Variants in TRHDE observed in about 807,000 individuals in gnomAD.
TRHDE encodes the protein thyrotropin-releasing hormone-degrading ectoenzyme.
In TRHDE, 72 loss-of-function variants were observed where a neutral mutation model predicts 125.7. That is an observed-to-expected ratio of 0.57 (90% CI 0.47 to 0.70). The LOEUF (loss-of-function observed/expected upper bound fraction) is 0.70. Ranked by LOEUF, TRHDE falls within the 30% of genes least tolerant of loss-of-function variation. TRHDE has a pLI of 0.00. For synonymous variants in TRHDE, 509 were observed against 509.1 expected, an observed-to-expected ratio of 1.00 and a Z score of 0.00; for missense variants, 1,110 against 1,327.1, an observed-to-expected ratio of 0.84 and a Z score of 2.54.
At position 72,281,397 on chromosome 12, in the gene TRHDE, A is replaced by G. The variant is rs560400185; in HGVS notation, c.915-5284A>G. On this transcript the variant is annotated intron_variant, in intron 1 of 18. Transcript: ENST00000261180. ...AAATGGGACACGTGTAACTTCCATG[A>G]CCTTGTAACAGTCCGCTTACTGCAA... 4.4e-4 allele frequency among the ~76,000 whole-genome samples: 67 copies of G among 152,320 alleles called. 1 individual carries two copies. The highest frequency in any genetic ancestry group is 1.6e-3 in the African/African-American group (66 of 41,586).
At chr12:72,186,989 C>T (rs1877229966) in intron 2 of TRHDE, among the ~76,000 whole-genome samples, 2 of 151,918 alleles carry the variant, frequency 1.3e-5, no homozygotes, top group Admixed American at 1.3e-4. Flanking sequence ...GGCATATGAC[C>T]AGGTGTTCAG....
At chr12:72,481,800 C>G (rs897310197) in intron 5 of TRHDE, among the ~76,000 whole-genome samples, 1 of 151,934 alleles carries the variant, frequency 6.6e-6, no homozygotes, top group African/African-American at 2.4e-5. Flanking sequence ...TTAAATTCCA[C>G]TGATTACAGT....
At chr12:72,211,777 T>C (rs1289289161) in intron 2 of TRHDE, among the ~76,000 whole-genome samples, 2 of 152,150 alleles carry the variant, frequency 1.3e-5, no homozygotes, top group South Asian at 2.1e-4. Context: ...CAAAAAAGAC[T>C]AATACAATAA....
Position 72,150,847 on chromosome 12 carries a change from C to T in TRHDE, n.279+45095C>T, listed in dbSNP as rs566147058. Among the ~76,000 whole-genome samples the T allele has an allele frequency of 4.9e-3, 739 of 151,972 alleles. 4 individuals carry two copies. Among genetic ancestry groups the T allele is most frequent in the Non-Finnish European group, 8.9e-3 (602 of 67,978 alleles). On this transcript the variant is annotated intron_variant and non_coding_transcript_variant, in intron 2 of 4. Transcript: ENST00000548156. ...AAGTCTTTGCTATTGTGAATAGTGC[C>T]GCAATAAACATACACGTGCATGTGT...
intron 7 of TRHDE, among the ~76,000 whole-genome samples, chr12:72,548,624 T>C (rs1480056175): frequency 6.6e-6 from 1 of 151,784 alleles, no homozygotes; most frequent in Non-Finnish European, 1.5e-5. Context: ...CTTGGATTTT[T>C]CTTATTTTGT....
rs573867331 is a variant in TRHDE at position 72,575,859 on chromosome 12, T to C, written c.2321+317T>C. ...CCATTGGGCCATATTTAAGTTCTGA[T>C]AGAAATTACCTTGAAGCATTGGCAA... On this transcript the variant is annotated intron_variant, in intron 12 of 18. Coordinates refer to ENST00000261180, the MANE Select transcript of TRHDE (RefSeq NM_013381.3). Among the ~76,000 whole-genome samples, 15 of 152,270 alleles carry C rather than the reference T, an allele frequency of 9.9e-5. 1 individual carries two copies. The highest frequency in any genetic ancestry group is 9.8e-4 in the Admixed American group (15 of 15,282).
chr12:72,654,613 T>G (rs1874635176), intron 17 of TRHDE, among the ~76,000 whole-genome samples: 1 of 152,048 alleles, frequency 6.6e-6, no homozygotes, highest in South Asian at 2.1e-4. Context: ...AATGGGTGAT[T>G]TTTCTTTTAT....
intron 2 of TRHDE, among the ~76,000 whole-genome samples, chr12:72,338,227 A>G (rs1239814781): frequency 6.6e-6 from 1 of 152,200 alleles, no homozygotes; most frequent in East Asian, 1.9e-4. Flanking sequence ...CTATTCTACC[A>G]TCCTGCCTTA....
intron 6 of TRHDE, among the ~76,000 whole-genome samples, chr12:72,512,437 A>G (rs1878623294): frequency 9.5e-6 from 1 of 105,596 alleles, no homozygotes; most frequent in African/African-American, 5.3e-5. Flanking sequence ...ATTATATAAT[A>G]TGTTATAATT....
intron 5 of TRHDE, among the ~76,000 whole-genome samples, chr12:72,483,217 C>A (rs913919364): frequency 4.0e-5 from 6 of 151,680 alleles, no homozygotes; most frequent in African/African-American, 1.5e-4. Context: ...GTCTCACAGA[C>A]CTATTTTACC....
At chr12:72,238,341 A>ATACACAT (rs1878402136) in intron 2 of TRHDE, among the ~76,000 whole-genome samples, 1 of 43,248 alleles carries the variant, frequency 2.3e-5, no homozygotes, top group African/African-American at 8.5e-5. Flanking sequence ...TATACACATT[A>ATACACAT]TATATATATA....
chr12:72,623,300 G>A (rs1432014528), intron 15 of TRHDE, among the ~76,000 whole-genome samples: 1 of 151,812 alleles, frequency 6.6e-6, no homozygotes, highest in Non-Finnish European at 1.5e-5. Context: ...CTATCAACAT[G>A]TGCCCTTTTT....
At chr12:72,418,653 A>G (rs11179197) in intron 3 of TRHDE, among the ~76,000 whole-genome samples, 3,455 of 152,194 alleles carry the variant, frequency 0.023, 127 homozygotes, top group African/African-American at 0.079. Context: ...CAGAGTGACA[A>G]TAGAACAGCT....
At chr12:72,252,269 A>C (rs1450971016) in intron 2 of TRHDE, among the ~76,000 whole-genome samples, 1 of 152,088 alleles carries the variant, frequency 6.6e-6, no homozygotes, top group Non-Finnish European at 1.5e-5. Context: ...TTTTACATTT[A>C]AGTCTATTAT....
chr12:72,532,489 T>G (rs888372695), intron 6 of TRHDE, among the ~76,000 whole-genome samples: 3 of 151,198 alleles, frequency 2.0e-5, no homozygotes, highest in Non-Finnish European at 4.4e-5. Context: ...ATTTTCAACT[T>G]TAAGAAGAAT....
chr12:72,521,244 A>T (rs976975178), intron 6 of TRHDE, among the ~76,000 whole-genome samples: 4 of 152,232 alleles, frequency 2.6e-5, no homozygotes, highest in Admixed American at 2.6e-4. Context: ...TCATGATTTC[A>T]TAATTCCCAA....
chr12:72,556,353 A>T (rs1422232717), intron 7 of TRHDE, among the ~76,000 whole-genome samples: 1 of 152,218 alleles, frequency 6.6e-6, no homozygotes, highest in Non-Finnish European at 1.5e-5. Context: ...CCATTGAATC[A>T]TTGGGAAGGA....
intron 5 of TRHDE, among the ~76,000 whole-genome samples, chr12:72,494,852 T>C (rs1013975280): frequency 6.6e-6 from 1 of 152,072 alleles, no homozygotes; most frequent in African/African-American, 2.4e-5. Flanking sequence ...TTCACTTACA[T>C]ATAGACTACT....
intron 6 of TRHDE, among the ~76,000 whole-genome samples, chr12:72,506,447 T>C (rs1878361716): frequency 6.6e-6 from 1 of 152,224 alleles, no homozygotes; most frequent in South Asian, 2.1e-4. Context: ...TCACTTACTA[T>C]GTACAATGTA....
Sources: gnomAD v4.1 joint callset for allele counts (sites outside exome capture counted in the v4.1 genomes callset) on GRCh38, gnomAD v4.1.1 for gene constraint, MANE v1.5 for transcripts, NCBI Gene and HGNC (gene_info 2026-07-23, HGNC 2026-07-21) for gene names.